The following CTNND2 variants were observed in gnomAD, a reference collection of about 807,000 sequenced individuals.
The protein encoded by CTNND2 is catenin delta-2.
Under a neutral mutation model 144.4 loss-of-function variants are expected in CTNND2, and 22 were observed. The ratio of observed to expected loss-of-function variants is 0.15; its 90% CI spans 0.11 to 0.22. The LOEUF (loss-of-function observed/expected upper bound fraction) is 0.22. Among genes scored for constraint, CTNND2 ranks in the 10% least tolerant of loss-of-function variants. The pLI, the probability that CTNND2 is intolerant of heterozygous loss-of-function variation, is 1.00. For missense variants in CTNND2, 1,353 were observed against 1,618.8 expected (o/e 0.84, Z 2.82); for synonymous variants, 751 against 695.6 (o/e 1.08, Z -1.25).
intron 3 of CTNND2, among the ~76,000 whole-genome samples, chr5:11,496,734 C>G (rs974711382): frequency 2.0e-5 from 3 of 152,206 alleles, no homozygotes; most frequent in African/African-American, 7.2e-5. Context: ...AAGCCCTACA[C>G]TCAGTCAGTT....
At chr5:11,293,647 A>G (rs1035799698) in intron 9 of CTNND2, among the ~76,000 whole-genome samples, 1 of 151,700 alleles carries the variant, frequency 6.6e-6, no homozygotes, top group African/African-American at 2.4e-5. Context: ...TAATATGTGT[A>G]GAGCAACTGA....
At chr5:11,691,880 C>T (rs1002484083) in intron 2 of CTNND2, among the ~76,000 whole-genome samples, 1 of 152,096 alleles carries the variant, frequency 6.6e-6, no homozygotes, top group Non-Finnish European at 1.5e-5. Flanking sequence ...CAAAGTGAGA[C>T]CTTGTATCAA....
intron 18 of CTNND2, among the ~76,000 whole-genome samples, chr5:11,013,323 T>C (rs962236282): frequency 2.0e-5 from 3 of 152,230 alleles, no homozygotes; most frequent in African/African-American, 7.2e-5. Flanking sequence ...GAGGTTCTCA[T>C]ATAATTAATT....
chr5:11,454,751 C>T (rs1765591155), intron 3 of CTNND2, among the ~76,000 whole-genome samples: 1 of 151,948 alleles, frequency 6.6e-6, no homozygotes, highest in Non-Finnish European at 1.5e-5. Context: ...CAGGAACGCA[C>T]CACCATGCCC....
intron 8 of CTNND2, among the ~76,000 whole-genome samples, chr5:11,359,382 C>G (rs1388165796): frequency 6.6e-6 from 1 of 152,178 alleles, no homozygotes; most frequent in East Asian, 1.9e-4. Context: ...GCCTCCTCAT[C>G]TAGGGAAAGG....
rs528467966 is a variant in CTNND2 at position 11,233,295 on chromosome 5, G to GA, written c.1761+3395dup. Among the ~76,000 whole-genome samples the GA allele has an allele frequency of 4.9e-4, 74 of 151,768 alleles. No individual in the cohort carries two copies. The East Asian group carries it at 0.013, about 27-fold the overall frequency. On this transcript the variant is annotated intron_variant, in intron 10 of 21. Transcript: ENST00000304623. ...CACATATAAGATCTGGTATCATTTT[G>GA]AAAAAAAATTGATGTTCTTGGCTTT... is the stretch of plus-strand genomic sequence containing the variant.
intron 3 of CTNND2, among the ~76,000 whole-genome samples, chr5:11,536,335 A>ATTAC (rs1350059557): frequency 6.6e-6 from 1 of 152,154 alleles, no homozygotes; most frequent in Admixed American, 6.6e-5. Flanking sequence ...AATTGCTGGG[A>ATTAC]TTACAGGTGT....
intron 2 of CTNND2, among the ~76,000 whole-genome samples, chr5:11,645,755 T>A (rs1211116434): frequency 6.6e-6 from 1 of 152,104 alleles, no homozygotes; most frequent in Non-Finnish European, 1.5e-5. Context: ...TAAGTTTACA[T>A]CCTTATCATA....
At chr5:11,019,727 A>G (rs966347537) in intron 17 of CTNND2, among the ~76,000 whole-genome samples, 1 of 152,220 alleles carries the variant, frequency 6.6e-6, no homozygotes, top group Non-Finnish European at 1.5e-5. Context: ...TTCTAATGTG[A>G]CAAGTGATTA....
intron 11 of CTNND2, among the ~76,000 whole-genome samples, chr5:11,194,359 A>G (rs538426896): frequency 1.3e-5 from 2 of 152,364 alleles, no homozygotes; most frequent in East Asian, 3.9e-4. Flanking sequence ...TACCCAGCAG[A>G]CAGGAAAGTA....
intron 9 of CTNND2, among the ~76,000 whole-genome samples, chr5:11,296,271 A>T (rs1182176363): frequency 1.3e-5 from 2 of 152,040 alleles, no homozygotes; most frequent in Non-Finnish European, 2.9e-5. Flanking sequence ...TGCAAATCAA[A>T]ACCACAATGA....
At chr5:11,457,784 T>C (rs1361403838) in intron 3 of CTNND2, among the ~76,000 whole-genome samples, 1 of 152,242 alleles carries the variant, frequency 6.6e-6, no homozygotes, top group Non-Finnish European at 1.5e-5. Flanking sequence ...TCCAACAACA[T>C]GGCCCATCAG....
chr5:11,225,532 C>T (rs1468122127), intron 10 of CTNND2, among the ~76,000 whole-genome samples: 2 of 152,182 alleles, frequency 1.3e-5, no homozygotes, highest in African/African-American at 4.8e-5. Context: ...CTCCTTTGAC[C>T]ATTTCATAGA....
At chr5:11,562,844 G>A (rs1776786526) in intron 3 of CTNND2, among the ~76,000 whole-genome samples, 1 of 152,188 alleles carries the variant, frequency 6.6e-6, no homozygotes, top group Admixed American at 6.5e-5. Flanking sequence ...TTTTAAGAAG[G>A]TATCAGGTAA....
At chr5:11,331,096 C>T (rs568159826) in intron 9 of CTNND2, among the ~76,000 whole-genome samples, 4 of 152,136 alleles carry the variant, frequency 2.6e-5, no homozygotes, top group Admixed American at 6.6e-5. Flanking sequence ...TCTTTAATGT[C>T]GAAAGCACTT....
At chr5:11,514,533 G>A (rs1168873422) in intron 3 of CTNND2, among the ~76,000 whole-genome samples, 1 of 152,030 alleles carries the variant, frequency 6.6e-6, no homozygotes, top group Non-Finnish European at 1.5e-5. Flanking sequence ...ACATTTCATG[G>A]GTGATCAGCT....
intron 3 of CTNND2, among the ~76,000 whole-genome samples, chr5:11,458,819 T>C (rs1000928481): frequency 1.3e-5 from 2 of 152,300 alleles, no homozygotes; most frequent in East Asian, 1.9e-4. Context: ...GGTGCAATCA[T>C]GGCTCACTGC....
chr5:11,876,025 C>T (rs977935754), intron 1 of CTNND2, among the ~76,000 whole-genome samples: 1 of 152,172 alleles, frequency 6.6e-6, no homozygotes, highest in Non-Finnish European at 1.5e-5. Context: ...AATTTTGTAA[C>T]AGCTATAGCA....
At chr5:11,730,674 A>G (rs2126738990) in intron 2 of CTNND2, among the ~76,000 whole-genome samples, 1 of 152,324 alleles carries the variant, frequency 6.6e-6, no homozygotes, top group South Asian at 2.1e-4. Flanking sequence ...AGCTGCCTAA[A>G]TTTTATATCC....
Sources: gnomAD v4.1 joint callset for allele counts (sites outside exome capture counted in the v4.1 genomes callset) on GRCh38, gnomAD v4.1.1 for gene constraint, MANE v1.5 for transcripts, NCBI Gene and HGNC (gene_info 2026-07-23, HGNC 2026-07-21) for gene names.